The following KIF16B variants were observed in gnomAD, a reference collection of about 807,000 sequenced individuals.
KIF16B encodes kinesin-like protein KIF16B.
In KIF16B, 98 loss-of-function variants were observed where a neutral mutation model predicts 156.3. The ratio of observed to expected loss-of-function variants is 0.63; its 90% CI spans 0.53 to 0.74. The LOEUF (loss-of-function observed/expected upper bound fraction) is 0.74, where lower values mean the gene tolerates loss of function less well. Among genes scored for constraint, KIF16B ranks in the 30% least tolerant of loss-of-function variants. The pLI is 0.00. For synonymous variants in KIF16B, 564 were observed against 583.7 expected (o/e 0.97, Z 0.49); for missense variants, 1,421 against 1,606.5 (o/e 0.88, Z 1.97).
intron 24 of KIF16B, among the ~76,000 whole-genome samples, chr20:16,330,976 G>A (rs1281618015): frequency 1.3e-5 from 2 of 152,196 alleles, no homozygotes; most frequent in African/African-American, 2.4e-5. Context: ...TCAGACAGCC[G>A]AGTGGACTGC....
At chr20:16,300,098 C>T (rs746708987) in intron 25 of KIF16B, among the ~76,000 whole-genome samples, 17 of 152,088 alleles carry the variant, frequency 1.1e-4, no homozygotes, top group East Asian at 1.9e-4. Context: ...CATGTGATTA[C>T]GACATATTTC....
chr20:16,341,166 A>G (rs568765038), intron 23 of KIF16B, among the ~76,000 whole-genome samples: 1 of 152,340 alleles, frequency 6.6e-6, no homozygotes, highest in East Asian at 1.9e-4. Context: ...CACACTTAAC[A>G]TCGGCAATAG....
intron 17 of KIF16B, among the ~76,000 whole-genome samples, chr20:16,392,466 G>A (rs553148644): frequency 2.6e-5 from 4 of 152,322 alleles, no homozygotes; most frequent in African/African-American, 9.6e-5. Context: ...ACAGAGAACA[G>A]AGAAGGGAAA....
intron 23 of KIF16B, among the ~76,000 whole-genome samples, chr20:16,342,055 C>T (rs2064149457): frequency 6.6e-6 from 1 of 152,142 alleles, no homozygotes; most frequent in Admixed American, 6.5e-5. Flanking sequence ...AGGGTAGTGT[C>T]CAAACCATGA....
At chr20:16,507,124 G>A (rs1300542804) in intron 7 of KIF16B, among the ~76,000 whole-genome samples, 1 of 151,208 alleles carries the variant, frequency 6.6e-6, no homozygotes, top group African/African-American at 2.4e-5. Context: ...AATTAGAGAT[G>A]GTAATATGCT....
chr20:16,565,579 C>T (rs559296682), intron 1 of KIF16B, among the ~76,000 whole-genome samples: 5 of 152,308 alleles, frequency 3.3e-5, no homozygotes, highest in Admixed American at 1.3e-4. Context: ...AGCCTGAACC[C>T]GGCTCATGCA....
intron 25 of KIF16B, among the ~76,000 whole-genome samples, chr20:16,282,302 G>C (rs2122347628): frequency 6.6e-6 from 1 of 152,126 alleles, no homozygotes; most frequent in Non-Finnish European, 1.5e-5. Flanking sequence ...CAAAGTGCTG[G>C]GATTACAGGC....
At chr20:16,568,155 G>C (rs1054919038) in intron 1 of KIF16B, among the ~76,000 whole-genome samples, 1 of 151,982 alleles carries the variant, frequency 6.6e-6, no homozygotes, top group Non-Finnish European at 1.5e-5. Flanking sequence ...AATGCCACTG[G>C]TGGTTTTTTT....
At chr20:16,374,926 AG>A (rs1367903952) in intron 19 of KIF16B, among the ~76,000 whole-genome samples, 1 of 152,240 alleles carries the variant, frequency 6.6e-6, no homozygotes, top group Non-Finnish European at 1.5e-5. Context: ...AGATTATCTA[AG>A]TGCAGAAAGC....
In KIF16B at chr20:16,379,633, T is replaced by TCCTCTTCC; in HGVS notation, c.2361_2368dup (p.Glu790GlyfsTer18). On this transcript the variant is annotated frameshift_variant, in exon 19 of 26. Transcript: ENST00000354981. LOFTEE classifies it high-confidence loss of function. ...CCGAATGCCTTCCAGGTCCCTCTTC[T>TCCTCTTCC]CCTCTTCCACCCACTGTACCTCCCC... is the stretch of plus-strand genomic sequence containing the variant. 1 of 1,614,048 alleles carries TCCTCTTCC rather than the reference T, an allele frequency of 6.2e-7. No individual in the cohort carries two copies. The highest frequency in any genetic ancestry group is 8.5e-7 in the Non-Finnish European group (1 of 1,180,004).
At chr20:16,472,553 TAAAAA>T (rs11318601) in intron 12 of KIF16B, among the ~76,000 whole-genome samples, 4 of 113,558 alleles carry the variant, frequency 3.5e-5, no homozygotes, top group Admixed American at 9.5e-5. Context: ...CATCTGAAAT[TAAAAA>T]AAAAAAAAAA....
intron 17 of KIF16B, among the ~76,000 whole-genome samples, chr20:16,400,937 C>T (rs1421480336): frequency 1.3e-5 from 2 of 152,174 alleles, no homozygotes; most frequent in Non-Finnish European, 2.9e-5. Flanking sequence ...GCACTTCACA[C>T]TACTGAACTG....
chr20:16,546,115 T>C (rs17675340), intron 1 of KIF16B, among the ~76,000 whole-genome samples: 3,525 of 152,288 alleles, frequency 0.023, 49 homozygotes, highest in Middle Eastern at 0.072. Context: ...GTGCCTAACA[T>C]GTATATTGCC....
intron 12 of KIF16B, among the ~76,000 whole-genome samples, chr20:16,473,385 C>T (rs1202943053): frequency 6.6e-6 from 1 of 152,192 alleles, no homozygotes; most frequent in African/African-American, 2.4e-5. Context: ...CTAAAACAGT[C>T]CCTCAACAAA....
intron 19 of KIF16B, among the ~76,000 whole-genome samples, chr20:16,377,011 C>T (rs997833945): frequency 2.0e-5 from 3 of 152,150 alleles, no homozygotes; most frequent in Admixed American, 6.5e-5. Context: ...AAATGTAATC[C>T]ATAGCATAAG....
chr20:16,465,521 T>C (rs924833152), intron 12 of KIF16B, among the ~76,000 whole-genome samples: 2 of 152,232 alleles, frequency 1.3e-5, no homozygotes, highest in African/African-American at 2.4e-5. Context: ...TTTTAAAGCA[T>C]GTGGCTATAT....
intron 17 of KIF16B, among the ~76,000 whole-genome samples, chr20:16,400,371 G>A (rs1193135231): frequency 1.3e-5 from 2 of 152,324 alleles, no homozygotes; most frequent in African/African-American, 4.8e-5. Flanking sequence ...AAGTGCTGAT[G>A]AGGATATGGA....
At chr20:16,279,282 T>C (rs1601474989) in intron 25 of KIF16B, among the ~76,000 whole-genome samples, 1 of 152,202 alleles carries the variant, frequency 6.6e-6, no homozygotes, top group Non-Finnish European at 1.5e-5. Flanking sequence ...CTACTAGCGC[T>C]TGGAGTCTCC....
chr20:16,378,269 G>C (rs2065000114), intron 19 of KIF16B, among the ~76,000 whole-genome samples: 1 of 151,844 alleles, frequency 6.6e-6, no homozygotes, highest in African/African-American at 2.4e-5. Context: ...AAGAAAATAG[G>C]GAGAGAAGGA....
Sources: gnomAD v4.1 joint callset for allele counts (sites outside exome capture counted in the v4.1 genomes callset) on GRCh38, gnomAD v4.1.1 for gene constraint, MANE v1.5 for transcripts, NCBI Gene and HGNC (gene_info 2026-07-23, HGNC 2026-07-21) for gene names.